ENTREP2: variants seen among roughly 807,000 people sequenced by gnomAD.
ENTREP2 encodes endosomal transmembrane epsin interactor 2, also known as protein ENTREP2.
chr15:29,304,146 G>C, the ENTREP2 span, among the ~76,000 whole-genome samples: 1 of 152,136 alleles, frequency 6.6e-6, no homozygotes, highest in Non-Finnish European at 1.5e-5. Flanking sequence ...GCCTCCCAAA[G>C]TGCTGGGATT....
At chr15:29,639,533 A>T in the ENTREP2 span, among the ~76,000 whole-genome samples, 1 of 152,208 alleles carries the variant, frequency 6.6e-6, no homozygotes, top group Non-Finnish European at 1.5e-5. Context: ...TACGGGAGGC[A>T]GCTAGAGCAG....
chr15:29,182,211 G>A, the ENTREP2 span, among the ~76,000 whole-genome samples: 7 of 150,794 alleles, frequency 4.6e-5, no homozygotes, highest in South Asian at 8.4e-4. Context: ...TGCAAGCTCC[G>A]CCTCCTGGGT....
At chr15:29,215,068 T>C in the ENTREP2 span, among the ~76,000 whole-genome samples, 39 of 152,298 alleles carry the variant, frequency 2.6e-4, 1 homozygote, top group South Asian at 7.7e-3. Flanking sequence ...TGTGTTGCTG[T>C]CTATCTCATT....
chr15:29,395,615 C>T, the ENTREP2 span, among the ~76,000 whole-genome samples: 132 of 151,712 alleles, frequency 8.7e-4, no homozygotes, highest in African/African-American at 3.1e-3. Flanking sequence ...GCACTTTCAA[C>T]CTCCTGGGCT....
the ENTREP2 span, among the ~76,000 whole-genome samples, chr15:29,457,171 G>A: frequency 5.9e-5 from 9 of 152,270 alleles, no homozygotes; most frequent in South Asian, 4.1e-4. Context: ...CACAGAAGCC[G>A]GCATGGTTCC....
At chr15:29,162,423 C>G in the ENTREP2 span, among the ~76,000 whole-genome samples, 2 of 152,152 alleles carry the variant, frequency 1.3e-5, no homozygotes, top group Non-Finnish European at 2.9e-5. Context: ...AGTTCTCAAG[C>G]CTGTCTCACC....
chr15:29,158,626 A>C, the ENTREP2 span, among the ~76,000 whole-genome samples: 5 of 152,032 alleles, frequency 3.3e-5, no homozygotes, highest in East Asian at 1.9e-4. Flanking sequence ...TGGCTAGGCT[A>C]TCTCTGCTTT....
the ENTREP2 span, among the ~76,000 whole-genome samples, chr15:29,165,398 C>A: frequency 6.6e-6 from 1 of 152,046 alleles, no homozygotes; most frequent in Non-Finnish European, 1.5e-5. Flanking sequence ...AAAGATGGTT[C>A]TTTGAAAAGG....
At chr15:29,328,230 C>A in the ENTREP2 span, among the ~76,000 whole-genome samples, 1 of 151,970 alleles carries the variant, frequency 6.6e-6, no homozygotes, top group East Asian at 1.9e-4. Context: ...CTGGAAAGGG[C>A]AAAACGGTAG....
chr15:29,515,954 GAAATGAATTTATAATACAGGTCATCTT>G, the ENTREP2 span, among the ~76,000 whole-genome samples: 1 of 152,160 alleles, frequency 6.6e-6, no homozygotes, highest in Non-Finnish European at 1.5e-5. Context: ...TGCAACTAAG[GAAATGAATTTATAATACAGGTCATCTT>G]AATTACCTTA....
the ENTREP2 span, among the ~76,000 whole-genome samples, chr15:29,553,849 A>G: frequency 6.6e-5 from 10 of 152,102 alleles, no homozygotes; most frequent in Non-Finnish European, 5.9e-5. Flanking sequence ...ATGAGTTACA[A>G]CCCCAGCTGA....
At chr15:29,254,178 A>T in the ENTREP2 span, among the ~76,000 whole-genome samples, 67 of 150,062 alleles carry the variant, frequency 4.5e-4, no homozygotes, top group African/African-American at 1.7e-3. Context: ...AAAAAAAAAA[A>T]AAAAAAAAAA....
the ENTREP2 span, among the ~76,000 whole-genome samples, chr15:29,386,429 C>T: frequency 6.6e-5 from 10 of 152,176 alleles, no homozygotes; most frequent in Non-Finnish European, 1.5e-4. Context: ...CCTTGTCACA[C>T]GCCCGGTGAG....
the ENTREP2 span, among the ~76,000 whole-genome samples, chr15:29,438,631 A>C: frequency 6.6e-6 from 1 of 152,034 alleles, no homozygotes; most frequent in Non-Finnish European, 1.5e-5. Context: ...ATCCCCAGCT[A>C]TCCTGTGGTT....
the ENTREP2 span, among the ~76,000 whole-genome samples, chr15:29,672,424 A>C: frequency 1.3e-5 from 2 of 152,230 alleles, no homozygotes; most frequent in Admixed American, 1.3e-4. Flanking sequence ...AAGGTTAAAA[A>C]TGATTTCCAG....
At chr15:29,580,912 C>T in the ENTREP2 span, among the ~76,000 whole-genome samples, 597 of 152,180 alleles carry the variant, frequency 3.9e-3, 5 homozygotes, top group African/African-American at 0.014. Flanking sequence ...AAATGCTCCC[C>T]CTTTTAAGCC....
At chr15:29,369,583 C>G in the ENTREP2 span, among the ~76,000 whole-genome samples, 1 of 134,930 alleles carries the variant, frequency 7.4e-6, no homozygotes, top group African/African-American at 3.4e-5. Flanking sequence ...GTCTTTTAGG[C>G]TGAAATTAAA....
the ENTREP2 span, among the ~76,000 whole-genome samples, chr15:29,264,835 AC>A: frequency 2.5e-4 from 38 of 152,112 alleles, no homozygotes; most frequent in East Asian, 7.7e-4. Context: ...TTAAAGACTA[AC>A]CCCCCCTTAT....
the ENTREP2 span, among the ~76,000 whole-genome samples, chr15:29,655,535 G>C: frequency 6.6e-6 from 1 of 152,160 alleles, no homozygotes. Flanking sequence ...CCCAGTCAAA[G>C]AGAGCAATCA....
Sources: allele counts gnomAD v4.1 joint callset (sites outside exome capture counted in the v4.1 genomes callset), GRCh38; gene constraint gnomAD v4.1.1; transcripts MANE v1.5; gene names NCBI Gene and HGNC (gene_info 2026-07-23, HGNC 2026-07-21).